Variants in EYA2 observed in about 807,000 individuals in gnomAD.
EYA2 encodes EYA transcriptional coactivator and phosphatase 2.
In EYA2, 31 loss-of-function variants were observed where a neutral mutation model predicts 69.2. The ratio of observed to expected loss-of-function variants is 0.45; its 90% confidence interval spans 0.34 to 0.60. The LOEUF (loss-of-function observed/expected upper bound fraction) is 0.60. Among genes scored for constraint, EYA2 ranks in the 20% least tolerant of loss-of-function variants. The pLI, the probability that EYA2 is intolerant of heterozygous loss-of-function variation, is 0.02. For synonymous variants in EYA2, 257 were observed against 279.4 expected, an observed-to-expected ratio of 0.92 and a Z score of 0.80; for missense variants, 622 against 701.2, an observed-to-expected ratio of 0.89 and a Z score of 1.28.
At chr20:46,991,152 T>G (rs76438622) in intron 2 of EYA2, among the ~76,000 whole-genome samples, 7,172 of 152,272 alleles carry the variant, frequency 0.047, 333 homozygotes, top group South Asian at 0.19. Flanking sequence ...TTGAGAAAAT[T>G]TACTGAGCCC....
intron 5 of EYA2, among the ~76,000 whole-genome samples, chr20:47,061,902 C>T (rs892103862): frequency 6.6e-6 from 1 of 152,180 alleles, no homozygotes; most frequent in Non-Finnish European, 1.5e-5. Context: ...GAAACACAGG[C>T]GTACACCTCA....
At chr20:46,950,745 T>C (rs999343753) in intron 1 of EYA2, among the ~76,000 whole-genome samples, 1 of 152,084 alleles carries the variant, frequency 6.6e-6, no homozygotes, top group African/African-American at 2.4e-5. Context: ...GGCACTAGCT[T>C]TATGTGTGTT....
intron 1 of EYA2, among the ~76,000 whole-genome samples, chr20:46,938,057 C>T (rs1415410516): frequency 6.6e-6 from 1 of 152,154 alleles, no homozygotes; most frequent in Admixed American, 6.6e-5. Context: ...GTTAAGTATC[C>T]CTAAGGACAC....
chr20:47,176,952 C>G (rs548988289), intron 12 of EYA2, among the ~76,000 whole-genome samples: 2 of 151,860 alleles, frequency 1.3e-5, no homozygotes, highest in South Asian at 4.2e-4. Flanking sequence ...CCACCACACC[C>G]GGCTAATTTT....
intron 1 of EYA2, among the ~76,000 whole-genome samples, chr20:46,954,450 A>G (rs1235355718): frequency 6.6e-6 from 1 of 152,248 alleles, no homozygotes; most frequent in African/African-American, 2.4e-5. Context: ...CAACCCACAC[A>G]GCTGTGTTTC....
At chr20:47,097,628 C>G (rs2032292201) in intron 9 of EYA2, among the ~76,000 whole-genome samples, 1 of 151,926 alleles carries the variant, frequency 6.6e-6, no homozygotes, top group Non-Finnish European at 1.5e-5. Context: ...TGGATCTTAG[C>G]AATCGTTTTG....
chr20:46,999,598 C>T (rs756506579), intron 2 of EYA2, among the ~76,000 whole-genome samples: 3 of 152,216 alleles, frequency 2.0e-5, no homozygotes, highest in African/African-American at 7.2e-5. Context: ...CTGCTGCCAT[C>T]GTATATCATA....
chr20:47,040,699 C>T (rs1985011907), intron 5 of EYA2, among the ~76,000 whole-genome samples: 1 of 152,198 alleles, frequency 6.6e-6, no homozygotes, highest in Non-Finnish European at 1.5e-5. Context: ...ACAGAGACAT[C>T]AAGCAAGTTG....
At chr20:47,174,741 C>T (rs772391966) in intron 12 of EYA2, among the ~76,000 whole-genome samples, 4 of 152,204 alleles carry the variant, frequency 2.6e-5, no homozygotes, top group South Asian at 2.1e-4. Context: ...TTTTTATCAA[C>T]GGTGTTGCTT....
At chr20:46,966,118 C>A (rs1034728466) in intron 1 of EYA2, among the ~76,000 whole-genome samples, 1 of 152,176 alleles carries the variant, frequency 6.6e-6, no homozygotes, top group Non-Finnish European at 1.5e-5. Flanking sequence ...AACGAGGCAA[C>A]CTCTTACAGT....
At chr20:47,157,353 C>CAAAAA (rs57425490) in intron 10 of EYA2, among the ~76,000 whole-genome samples, 2 of 60,772 alleles carry the variant, frequency 3.3e-5, no homozygotes, top group African/African-American at 5.8e-5. Flanking sequence ...GACTCCGTCT[C>CAAAAA]AAAAAAAAAA....
At chr20:47,128,816 A>G (rs954699519) in intron 9 of EYA2, among the ~76,000 whole-genome samples, 2 of 152,172 alleles carry the variant, frequency 1.3e-5, no homozygotes, top group African/African-American at 4.8e-5. Context: ...ACACATATTC[A>G]TATATTCATT....
chr20:46,973,799 A>G (rs1026341795), intron 1 of EYA2, among the ~76,000 whole-genome samples: 10 of 104,968 alleles, frequency 9.5e-5, no homozygotes, highest in Middle Eastern at 5.2e-3. Context: ...GAGAAGGAGG[A>G]AAAAAAAAAA....
intron 9 of EYA2, among the ~76,000 whole-genome samples, chr20:47,098,530 G>C (rs998881342): frequency 5.9e-5 from 9 of 152,114 alleles, no homozygotes; most frequent in Admixed American, 5.9e-4. Context: ...TCTTGGGTAT[G>C]ATTTTTGTAT....
chr20:47,120,266 C>G (rs758777672), intron 9 of EYA2, among the ~76,000 whole-genome samples: 2 of 151,530 alleles, frequency 1.3e-5, no homozygotes, highest in Non-Finnish European at 2.9e-5. Flanking sequence ...GTCCCAGCTA[C>G]TCAGGAGGCT....
At chr20:47,005,130 C>A (rs199938629) in intron 4 of EYA2, 46 bp downstream of exon 4, 5 of 1,601,276 alleles carry the variant, frequency 3.1e-6, no homozygotes, top group Non-Finnish European at 3.4e-6. Flanking sequence ...GTCCCCAAAT[C>A]ATGGTCTTTG....
intron 1 of EYA2, among the ~76,000 whole-genome samples, chr20:46,973,009 T>A (rs1473991593): frequency 6.6e-6 from 1 of 152,156 alleles, no homozygotes; most frequent in African/African-American, 2.4e-5. Flanking sequence ...AACCATCAGA[T>A]CGGAGGTTAA....
intron 1 of EYA2, among the ~76,000 whole-genome samples, chr20:46,950,004 G>T (rs914575649): frequency 6.6e-6 from 1 of 152,208 alleles, no homozygotes; most frequent in African/African-American, 2.4e-5. Flanking sequence ...GGAGCTGGGT[G>T]TGCACCTTGG....
intron 1 of EYA2, among the ~76,000 whole-genome samples, chr20:46,953,520 G>T (rs1978930912): frequency 6.6e-6 from 1 of 152,200 alleles, no homozygotes; most frequent in African/African-American, 2.4e-5. Context: ...CCAAACACAG[G>T]TTTAGAGTTG....
Sources: allele counts gnomAD v4.1 joint callset (sites outside exome capture counted in the v4.1 genomes callset), GRCh38; gene constraint gnomAD v4.1.1; transcripts MANE v1.5; gene names NCBI Gene and HGNC (gene_info 2026-07-23, HGNC 2026-07-21).